The following SYT1 variants were observed in gnomAD, a reference collection of about 807,000 sequenced individuals.
SYT1 encodes synaptotagmin-1.
Under a neutral mutation model 44.8 loss-of-function variants are expected in SYT1, and 8 were observed. That is an observed-to-expected ratio of 0.18 (90% CI 0.10 to 0.32). The LOEUF (loss-of-function observed/expected upper bound fraction) is 0.32, where lower values mean the gene tolerates loss of function less well. Ranked by LOEUF, SYT1 falls within the 10% of genes least tolerant of loss-of-function variation. The pLI is 1.00. For synonymous variants in SYT1, 154 were observed against 188.8 expected (o/e 0.82, Z 1.51); for missense variants, 286 against 509.3 (o/e 0.56, Z 4.22).
intron 4 of SYT1, among the ~76,000 whole-genome samples, chr12:79,267,658 A>G (rs1878203930): frequency 6.6e-6 from 1 of 152,124 alleles, no homozygotes; most frequent in South Asian, 2.1e-4. Context: ...ATGAATGAAA[A>G]CTGTTACAAA....
chr12:79,043,363 C>A (rs1256205651), intron 2 of SYT1, among the ~76,000 whole-genome samples: 6 of 150,784 alleles, frequency 4.0e-5, no homozygotes, highest in African/African-American at 9.8e-5. Context: ...TTGAATTGAT[C>A]CCTTTACCAT....
intron 4 of SYT1, among the ~76,000 whole-genome samples, chr12:79,225,830 C>A (rs1420058903): frequency 1.3e-5 from 2 of 152,160 alleles, no homozygotes; most frequent in Non-Finnish European, 2.9e-5. Context: ...CCTCCCCAAC[C>A]ACACTATTTA....
At chr12:79,427,929 G>A (rs1869543656) in intron 9 of SYT1, among the ~76,000 whole-genome samples, 1 of 152,166 alleles carries the variant, frequency 6.6e-6, no homozygotes, top group Non-Finnish European at 1.5e-5. Context: ...AATATAAGGA[G>A]TTATACAATG....
rs186246787 is a variant in SYT1 at position 79,173,528 on chromosome 12, G to A, written c.-17-43975G>A. Among the ~76,000 whole-genome samples, 179 of 152,072 alleles carry A rather than the reference G, an allele frequency of 1.2e-3. 2 individuals are homozygous for A. Among genetic ancestry groups the A allele is most frequent in the African/African-American group, 4.0e-3 (166 of 41,526 alleles). ...CCATCACTCGGTTGGAATATGAAGA[G>A]TAAAAATAAGTGTTCCCATCCTAAA... On this transcript the variant is annotated intron_variant, in intron 3 of 10. Coordinates refer to ENST00000261205, the MANE Select transcript of SYT1 (RefSeq NM_005639.3).
chr12:79,209,316 T>C (rs555659336), intron 3 of SYT1, among the ~76,000 whole-genome samples: 1 of 152,332 alleles, frequency 6.6e-6, no homozygotes, highest in East Asian at 1.9e-4. Flanking sequence ...ATGAAAGCTT[T>C]GACAGTGGTT....
At chr12:79,437,905 C>T (rs1186941979) in intron 9 of SYT1, among the ~76,000 whole-genome samples, 3 of 152,066 alleles carry the variant, frequency 2.0e-5, no homozygotes, top group Non-Finnish European at 4.4e-5. Context: ...AAAACATGCC[C>T]TTGAACATCT....
chr12:79,223,335 G>A (rs540953956), intron 4 of SYT1, among the ~76,000 whole-genome samples: 7 of 152,206 alleles, frequency 4.6e-5, no homozygotes, highest in Admixed American at 6.5e-5. Context: ...GCATGGCATC[G>A]CCAGAGCCTG....
intron 1 of SYT1, among the ~76,000 whole-genome samples, chr12:78,890,378 G>A (rs949596797): frequency 1.3e-5 from 2 of 151,778 alleles, no homozygotes; most frequent in Admixed American, 1.3e-4. Context: ...ATCACACACT[G>A]GGGCCTGTCG....
intron 9 of SYT1, among the ~76,000 whole-genome samples, chr12:79,429,528 T>C (rs1445200023): frequency 6.6e-6 from 1 of 151,714 alleles, no homozygotes; most frequent in African/African-American, 2.4e-5. Context: ...ATTTTTTTGT[T>C]TGTTTGTTTT....
At chr12:79,192,880 A>G (rs979918886) in intron 3 of SYT1, among the ~76,000 whole-genome samples, 2 of 152,306 alleles carry the variant, frequency 1.3e-5, no homozygotes, top group South Asian at 2.1e-4. Context: ...TTCTTTTCCA[A>G]TAAGTTGATA....
chr12:79,425,317 A>G (rs1869385930), intron 9 of SYT1, among the ~76,000 whole-genome samples: 1 of 152,070 alleles, frequency 6.6e-6, no homozygotes, highest in Admixed American at 6.6e-5. Context: ...TATAACCTCA[A>G]AAGTTTCAAA....
intron 1 of SYT1, among the ~76,000 whole-genome samples, chr12:78,888,026 G>A (rs1408835300): frequency 1.3e-5 from 2 of 151,946 alleles, no homozygotes; most frequent in East Asian, 3.9e-4. Context: ...AGATTTTCAA[G>A]TTATAATTAG....
chr12:79,202,229 T>A (rs1328880779), intron 3 of SYT1, among the ~76,000 whole-genome samples: 2 of 152,140 alleles, frequency 1.3e-5, no homozygotes, highest in African/African-American at 2.4e-5. Context: ...TGGCATTAAG[T>A]CCAGGCATTG....
intron 8 of SYT1, among the ~76,000 whole-genome samples, chr12:79,308,642 AAGAAAGAAAG>A (rs1443113808): frequency 3.3e-5 from 5 of 150,946 alleles, no homozygotes; most frequent in Non-Finnish European, 7.4e-5. Flanking sequence ...GAAAGAAAGA[AAGAAAGAAAG>A]AAAGAAAAGA....
chr12:79,310,338 G>T (rs897529279), intron 8 of SYT1, among the ~76,000 whole-genome samples: 1 of 151,960 alleles, frequency 6.6e-6, no homozygotes, highest in African/African-American at 2.4e-5. Flanking sequence ...GATATGTGGC[G>T]TTATTTCTGA....
rs1357666854 is a variant in SYT1 at position 79,311,884 on chromosome 12, G to T, written c.810+12333G>T. Among the ~76,000 whole-genome samples, 6 of 100,740 alleles carry T rather than the reference G, an allele frequency of 6.0e-5. No homozygotes were observed. In the East Asian group the frequency reaches 2.2e-3, roughly 36 times the overall value. 66.1% of individuals were successfully genotyped at this position (100,740 alleles called of 152,430 possible). On this transcript the variant is annotated intron_variant, in intron 8 of 10. Transcript: ENST00000261205. ...GGACTGTTGTGGGGTGGGGGGAGGG[G>T]GGAGGGATAGCATTAGGAGATATAC...
At position 79,051,144 on chromosome 12, in the gene SYT1, A is replaced by G. The variant is rs77292693; in HGVS notation, c.-18+3782A>G. On this transcript the variant is annotated intron_variant, in intron 3 of 10. Coordinates refer to ENST00000261205, the MANE Select transcript of SYT1 (RefSeq NM_005639.3). ...AAAAAATGCATGTGTCGGAACTGTT[A>G]AAAAAAAACTCTTCTCCAAATTTAA... Among the ~76,000 whole-genome samples, 286 of 149,932 alleles carry G rather than the reference A, an allele frequency of 1.9e-3. 1 individual carries two copies. Among genetic ancestry groups the G allele is most frequent in the African/African-American group, 6.8e-3 (274 of 40,396 alleles).
intron 2 of SYT1, among the ~76,000 whole-genome samples, chr12:78,981,401 C>T (rs1869250623): frequency 6.6e-6 from 1 of 152,114 alleles, no homozygotes; most frequent in Admixed American, 6.6e-5. Flanking sequence ...TCTGAGATTA[C>T]AGGTGAGAGC....
intron 1 of SYT1, among the ~76,000 whole-genome samples, chr12:78,952,866 G>A (rs1164875747): frequency 1.3e-5 from 2 of 152,048 alleles, no homozygotes; most frequent in Middle Eastern, 3.2e-3. Flanking sequence ...TATATGCTGA[G>A]GGATTTTTGT....
Sources: gnomAD v4.1 joint callset for allele counts (sites outside exome capture counted in the v4.1 genomes callset) on GRCh38, gnomAD v4.1.1 for gene constraint, MANE v1.5 for transcripts, NCBI Gene and HGNC (gene_info 2026-07-23, HGNC 2026-07-21) for gene names.